Variants in POLK observed in about 807,000 individuals in gnomAD.
POLK encodes DNA polymerase kappa.
A neutral mutation model predicts 94.0 loss-of-function variants in POLK; 76 were observed. That is an observed-to-expected ratio of 0.81 (90% CI 0.67 to 0.98). The LOEUF (loss-of-function observed/expected upper bound fraction) is 0.98, where lower values mean the gene tolerates loss of function less well. Ranked by LOEUF, POLK falls within the 50% of genes least tolerant of loss-of-function variation. The probability of loss-of-function intolerance (pLI) is 0.00; values close to 1 mark genes in which losing one functional copy is unlikely to be tolerated. For missense variants in POLK, 954 were observed against 1,010.1 expected, an observed-to-expected ratio of 0.94 and a Z score of 0.75; for synonymous variants, 349 against 325.4, an observed-to-expected ratio of 1.07 and a Z score of -0.78.
At position 75,596,404 on chromosome 5, in the gene POLK, A is replaced by G. The variant is rs150567638; in HGVS notation, c.1711A>G (p.Lys571Glu). The G allele has an allele frequency of 3.2e-5, 52 of 1,613,902 alleles. No individual in the cohort carries two copies. The African/African-American group carries it at 4.3e-4, about 13-fold the overall frequency. Residue 571 changes from lysine to glutamate, a missense_variant, in exon 13 of 15, where the codon AAA (lysine) becomes GAA (glutamate). Coordinates refer to ENST00000241436, the Ensembl canonical transcript of POLK. ...TCATAAGAAGAGTTTCTTTGATAAA[A>G]AACGATCAGAAAGGAAATGGAGTCA...
In POLK at chr5:75,552,524, G is replaced by A. The variant is rs1287194357; in HGVS notation, c.188G>A (p.Arg63Gln). 7 of 1,612,266 alleles carry A rather than the reference G, an allele frequency of 4.3e-6. No homozygotes were observed. The African/African-American group carries it at 6.7e-5, about 15-fold the overall frequency. Residue 63 changes from arginine (R) to glutamine (Q), a missense_variant, in exon 3 of 15, where the codon CGA becomes CAA. By Grantham distance (43) the Arg-to-Gln change is conservative. Transcript: ENST00000241436. ...AAGAAAGAAAAGCAAGTCAACCAAC[G>A]AATTGAAAATATGATGCAACAAAAA...
intron 8 of POLK, 129 bp downstream of exon 8, chr5:75,583,546 G>A: frequency 2.2e-6 from 1 of 464,292 alleles, no homozygotes; most frequent in Non-Finnish European, 3.7e-6. Context: ...AACTATAATG[G>A]ATGATTGAAT....
chr5:75,603,344 G>T (rs1356035385), downstream of POLK, among the ~76,000 whole-genome samples: 1 of 150,942 alleles, frequency 6.6e-6, no homozygotes, highest in Non-Finnish European at 1.5e-5. Context: ...CAACTGATTT[G>T]TCAGTTTTCC....
intron 8 of POLK, among the ~76,000 whole-genome samples, chr5:75,583,747 A>G (rs1772320885): frequency 6.6e-6 from 1 of 152,188 alleles, no homozygotes; most frequent in Admixed American, 6.5e-5. Context: ...CCAGATTGCT[A>G]CTAGATTAAT....
chr5:75,533,321 G>T (rs1769272954), intron 1 of POLK, among the ~76,000 whole-genome samples: 1 of 152,150 alleles, frequency 6.6e-6, no homozygotes, highest in African/African-American at 2.4e-5. Flanking sequence ...AGTTATCTCA[G>T]CACCATTTAT....
intron 1 of POLK, among the ~76,000 whole-genome samples, chr5:75,540,928 C>T (rs1769705651): frequency 6.6e-6 from 1 of 152,092 alleles, no homozygotes; most frequent in South Asian, 2.1e-4. Context: ...TTAAAGTTTT[C>T]ATTGTTAAAG....
At chr5:75,511,052 C>A, upstream of POLK, 4 of 1,465,930 alleles carry the variant, frequency 2.7e-6, no homozygotes, top group Non-Finnish European at 3.6e-6. Flanking sequence ...ACCGCCTCAG[C>A]GGATTGCCTC....
downstream of POLK, among the ~76,000 whole-genome samples, chr5:75,602,974 G>A (rs963962267): frequency 2.0e-5 from 3 of 152,198 alleles, no homozygotes; most frequent in Non-Finnish European, 4.4e-5. Flanking sequence ...GCCTTCTAGA[G>A]TAAGAAGTTT....
chr5:75,601,994 C>T (rs1561422259), downstream of POLK, among the ~76,000 whole-genome samples: 1 of 152,316 alleles, frequency 6.6e-6, no homozygotes, highest in East Asian at 1.9e-4. Context: ...AACCCTAAGT[C>T]AATTTGTTAT....
chr5:75,537,081 C>G (rs570550003), intron 1 of POLK, among the ~76,000 whole-genome samples: 1 of 152,334 alleles, frequency 6.6e-6, no homozygotes, highest in Admixed American at 6.5e-5. Context: ...GGGCTGGAGG[C>G]TGTTGCTGAG....
Position 75,542,616 on chromosome 5 carries a change from CAT to C in POLK, c.-13-4386_-13-4385del, listed in dbSNP as rs200462996. Among the ~76,000 whole-genome samples the C allele has an allele frequency of 1.1e-3, 166 of 149,594 alleles. 1 individual carries two copies. In the East Asian group the frequency reaches 0.027, roughly 25 times the overall value. ...GTGTGTGTGTATATACACATATACA[CAT>C]ATATATACACATATATACACATATA... On this transcript the variant is annotated intron_variant, in intron 1 of 14. Coordinates refer to ENST00000241436, the Ensembl canonical transcript of POLK.
chr5:75,552,493 G>C, exon 3 of POLK: 1 of 1,611,452 alleles, frequency 6.2e-7, no homozygotes, highest in African/African-American at 1.3e-5. Flanking sequence ...TTATGGAAAT[G>C]AGCTCAAGAA....
At chr5:75,580,866 C>T (rs1772160247) in intron 6 of POLK, among the ~76,000 whole-genome samples, 1 of 147,390 alleles carries the variant, frequency 6.8e-6, no homozygotes, top group African/African-American at 2.5e-5. Context: ...GAAAAGATTT[C>T]CTTTTTTTTT....
intron 1 of POLK, among the ~76,000 whole-genome samples, chr5:75,546,193 T>A (rs567054115): frequency 6.6e-6 from 1 of 152,336 alleles, no homozygotes; most frequent in Non-Finnish European, 1.5e-5. Flanking sequence ...TTAATATGTA[T>A]TTTGTATGTT....
chr5:75,542,778 A>G (rs942501125), intron 1 of POLK, among the ~76,000 whole-genome samples: 1 of 149,270 alleles, frequency 6.7e-6, no homozygotes, highest in African/African-American at 2.4e-5. Context: ...GCTCACTGCA[A>G]CCTGGCTCAC....
chr5:75,584,995 A>G (rs1207246580), intron 9 of POLK, 69 bp downstream of exon 9: 2 of 907,934 alleles, frequency 2.2e-6, no homozygotes, highest in East Asian at 5.0e-5. Flanking sequence ...AACCATTGAG[A>G]TGAGGCTATA....
chr5:75,569,209 A>T, intron 3 of POLK, 131 bp from the exon 4 acceptor site: 1 of 621,900 alleles, frequency 1.6e-6, no homozygotes, highest in Non-Finnish European at 2.7e-6. Flanking sequence ...GGATGAATGG[A>T]TGGATGGATG....
intron 6 of POLK, chr5:75,580,549 C>T: frequency 1.2e-6 from 1 of 809,350 alleles, no homozygotes; most frequent in Non-Finnish European, 1.5e-6. Context: ...TTGGATTATC[C>T]AATCAGACCT....
At chr5:75,586,968 G>T (rs1210026013) in intron 9 of POLK, 58 bp from the exon 10 acceptor site, 1 of 1,207,230 alleles carries the variant, frequency 8.3e-7, no homozygotes, top group Non-Finnish European at 1.2e-6. Flanking sequence ...AAATCCTCTT[G>T]GTTAACTAAA....
Sources: gnomAD v4.1 joint callset for allele counts (sites outside exome capture counted in the v4.1 genomes callset) on GRCh38, gnomAD v4.1.1 for gene constraint, MANE v1.5 for transcripts, NCBI Gene and HGNC (gene_info 2026-07-23, HGNC 2026-07-21) for gene names.